KAT14: variants seen among roughly 807,000 people sequenced by gnomAD.
KAT14 encodes the protein cysteine-rich protein 2-binding protein.
In KAT14, 66 loss-of-function variants were observed where a neutral mutation model predicts 78.4. The observed-to-expected ratio is 0.84, with a 90% CI of 0.69 to 1.03. The LOEUF (loss-of-function observed/expected upper bound fraction) is 1.03, where lower values mean the gene tolerates loss of function less well. Ranked by LOEUF, KAT14 falls within the 50% of genes least tolerant of loss-of-function variation. KAT14 has a pLI of 0.00. For missense variants in KAT14, 870 were observed against 972.5 expected (o/e 0.89, Z 1.40); for synonymous variants, 344 against 359.4 (o/e 0.96, Z 0.48).
At position 18,162,610 on chromosome 20, in the gene KAT14, AAGCCTC is replaced by A; in HGVS notation, c.1337_1342del (p.Pro446_Gln447del). On this transcript the variant is annotated inframe_deletion, in exon 7 of 11. Coordinates refer to ENST00000688188, the MANE Select transcript of KAT14 (RefSeq NM_001392073.1). Reference sequence around the variant, plus strand: ...GCAAACAAGGGCTAGAGAAAAGAGGAAGCCTCAGCTGGAGAAGGACACAAAGCCGAA... The same window carrying A: ...GCAAACAAGGGCTAGAGAAAAGAGGAAGCTGGAGAAGGACACAAAGCCGAA... The A allele has an allele frequency of 6.2e-7, 1 of 1,614,202 alleles. No homozygotes were observed. The highest frequency in any genetic ancestry group is 8.5e-7 in the Non-Finnish European group (1 of 1,180,034).
At chr20:18,148,364 T>G (rs1299874100) in intron 3 of KAT14, among the ~76,000 whole-genome samples, 1 of 152,226 alleles carries the variant, frequency 6.6e-6, no homozygotes, top group African/African-American at 2.4e-5. Flanking sequence ...AGAAACTTTA[T>G]CAAACATTTG....
At chr20:18,181,981 G>A in intron 8 of KAT14, 135 bp downstream of exon 8, 6 of 1,334,008 alleles carry the variant, frequency 4.5e-6, no homozygotes, top group Non-Finnish European at 6.0e-6. Context: ...TGAGTTCTGT[G>A]CTTCACCTCC....
At chr20:18,181,920 TC>T in intron 8 of KAT14, 74 bp downstream of exon 8, 1 of 1,583,432 alleles carries the variant, frequency 6.3e-7, no homozygotes, top group Non-Finnish European at 8.6e-7. Flanking sequence ...TGCCCTGTTC[TC>T]CTGTTGGAGA....
At position 18,162,639 on chromosome 20, in the gene KAT14, G is replaced by C; in HGVS notation, c.1362G>C (p.Pro454=). The C allele has an allele frequency of 6.2e-7, 1 of 1,614,184 alleles. No homozygotes were observed. The highest frequency in any genetic ancestry group is 1.1e-5 in the South Asian group (1 of 91,084). Residue 454 remains proline (P), a synonymous_variant, in exon 7 of 11, where the codon CCG becomes CCC. Coordinates refer to ENST00000688188, the MANE Select transcript of KAT14 (RefSeq NM_001392073.1). ...CTCAGCTGGAGAAGGACACAAAGCC[G>C]AAAGAGCCCAGGTATACTCCCGTGA... ...RKPQLEKDTK[P]KEPRYTPVSI... is the part of the protein sequence containing the mutation.
Position 18,159,273 on chromosome 20 carries a change from T to G in KAT14, c.682+8T>G. On this transcript the variant is annotated splice_region_variant and intron_variant, in intron 5 of 10. Transcript: ENST00000688188. ...CTACTTTGAAAATAAAAGGTACTGTTGTGAGAACAGTACAAAAGTTGCTAG... is the reference window on the plus strand; with the variant it reads ...CTACTTTGAAAATAAAAGGTACTGTGGTGAGAACAGTACAAAAGTTGCTAG... The G allele has an allele frequency of 6.2e-7, 1 of 1,612,728 alleles. No individual in the cohort carries two copies.
chr20:18,184,776 T>G lies in KAT14; in HGVS notation c.2156T>G (p.Ile719Ser), dbSNP rs771364697. 9.0e-5 allele frequency: 144 copies of G among 1,606,496 alleles called. No individual in the cohort carries two copies. The highest frequency in any genetic ancestry group is 1.2e-4 in the Non-Finnish European group (136 of 1,177,678). The change falls in exon 10 of 11, where the codon ATC (isoleucine) becomes AGC (serine). Residue 719 changes from isoleucine (I) to serine (S), a missense_variant. By Grantham distance (142) the Ile-to-Ser change is moderately radical. Transcript: ENST00000688188. ...WRRAGIATFMIYHLIQTCMGK... is the reference protein window; with the variant it reads ...WRRAGIATFMSYHLIQTCMGK... ...AGAGCAGGGATTGCAACTTTCATGA[T>G]CTATCATCTGATTCAGGTAAGTTGT...
At chr20:18,160,811 C>T (rs1251996886) in intron 5 of KAT14, among the ~76,000 whole-genome samples, 1 of 151,894 alleles carries the variant, frequency 6.6e-6, no homozygotes, top group African/African-American at 2.4e-5. Context: ...GTGATAAATT[C>T]CTGGAGTTTC....
intron 1 of KAT14, among the ~76,000 whole-genome samples, chr20:18,139,543 C>T (rs1034695652): frequency 1.3e-5 from 2 of 151,914 alleles, no homozygotes; most frequent in African/African-American, 2.4e-5. Context: ...TTAAAAGTAA[C>T]CCAGAGAATT....
rs955438521 is a variant in KAT14 at position 18,188,033 on chromosome 20, C to T, written c.*574C>T. ...GAAAAAATAAACTAGATGTTTGTGTCTACATGTTCTACCTGTTGTACCTAT... is the reference window on the plus strand; with the variant it reads ...GAAAAAATAAACTAGATGTTTGTGTTTACATGTTCTACCTGTTGTACCTAT... On this transcript the variant is annotated 3_prime_UTR_variant, in exon 11 of 11. Coordinates refer to ENST00000688188, the MANE Select transcript of KAT14 (RefSeq NM_001392073.1). 2 of 155,338 alleles carry T rather than the reference C, an allele frequency of 1.3e-5. No individual in the cohort carries two copies. Among genetic ancestry groups the T allele is most frequent in the Admixed American group, 1.3e-4 (2 of 15,296 alleles). 9.6% of individuals were successfully genotyped at this position (155,338 alleles called of 1,614,324 possible).
At chr20:18,175,462 CCT>C (rs1442742861) in intron 7 of KAT14, among the ~76,000 whole-genome samples, 1 of 151,982 alleles carries the variant, frequency 6.6e-6, no homozygotes, top group Non-Finnish European at 1.5e-5. Context: ...CTTTTTCTGC[CCT>C]CTCTACTCTG....
In KAT14 at chr20:18,145,349, C is replaced by T; in HGVS notation, c.376C>T (p.Gln126Ter). 3 of 1,614,026 alleles carry T rather than the reference C, an allele frequency of 1.9e-6. No individual in the cohort carries two copies. The highest frequency in any genetic ancestry group is 2.5e-6 in the Non-Finnish European group (3 of 1,179,980). The change falls in exon 3 of 11, where the codon CAA becomes TAA. Residue 126 changes from glutamine (Q) to a stop codon, truncating the protein, a stop_gained and splice_region_variant. Transcript: ENST00000688188. LOFTEE classifies it high-confidence loss of function. ...QYERLKLTWQ[Q>*]VVMLAMYNLS... Reference sequence around the variant, plus strand: ...TGAAAGGCTGAAGCTGACATGGCAGCAAGTGAGTAAAAAGCCCTTCCCCAA... The same window carrying T: ...TGAAAGGCTGAAGCTGACATGGCAGTAAGTGAGTAAAAAGCCCTTCCCCAA...
chr20:18,175,048 G>C (rs1294067375), intron 7 of KAT14, among the ~76,000 whole-genome samples: 2 of 151,466 alleles, frequency 1.3e-5, no homozygotes, highest in Non-Finnish European at 2.9e-5. Flanking sequence ...AGCTACCTTT[G>C]CTGGCAGTTT....
chr20:18,141,023 A>ATTTTTTTTTTTTTTT (rs67633205), intron 1 of KAT14, among the ~76,000 whole-genome samples: 4 of 48,750 alleles, frequency 8.2e-5, no homozygotes, highest in African/African-American at 1.1e-4. Flanking sequence ...ACTCCCTGCA[A>ATTTTTTTTTTTTTTT]TTTTTTTTTT....
At chr20:18,143,615 A>ATTTTTTTTTTTTTTTT (rs201858697) in intron 2 of KAT14, among the ~76,000 whole-genome samples, 2 of 103,998 alleles carry the variant, frequency 1.9e-5, no homozygotes, top group Admixed American at 1.0e-4. Flanking sequence ...CACCTGGCTA[A>ATTTTTTTTTTTTTTTT]TTTTTTTTTT....
intron 9 of KAT14, chr20:18,183,622 T>C (rs1443555109): frequency 1.2e-6 from 1 of 805,872 alleles, no homozygotes; most frequent in African/African-American, 1.9e-5. Context: ...AGCTTGGGCG[T>C]GTTTGGACAC....
chr20:18,179,481 T>C lies in KAT14; in HGVS notation c.1669-2229T>C, dbSNP rs558657060. On this transcript the variant is annotated intron_variant, in intron 7 of 10. Coordinates refer to ENST00000688188, the MANE Select transcript of KAT14 (RefSeq NM_001392073.1). The stretch of plus-strand genomic sequence containing the variant: ...CCCAAACCTCAATTCTGGACTTCTG[T>C]GCACCCTCAGGCTCAATGCAAAGTG... Among the ~76,000 whole-genome samples, 115 of 152,328 alleles carry C rather than the reference T, an allele frequency of 7.5e-4. 1 individual carries two copies. The highest frequency in any genetic ancestry group is 2.7e-3 in the African/African-American group (111 of 41,586).
At chr20:18,182,569 A>G (rs1193978850) in intron 8 of KAT14, among the ~76,000 whole-genome samples, 4 of 152,234 alleles carry the variant, frequency 2.6e-5, no homozygotes, top group Non-Finnish European at 5.9e-5. Context: ...AGGCAATGAA[A>G]TGGAAGCTGA....
chr20:18,178,679 A>C (rs2039135614), intron 7 of KAT14, among the ~76,000 whole-genome samples: 1 of 152,156 alleles, frequency 6.6e-6, no homozygotes, highest in East Asian at 1.9e-4. Flanking sequence ...TCTCTCCCAC[A>C]CCATGTGGGA....
chr20:18,184,738 C>T lies in KAT14; in HGVS notation c.2118C>T (p.His706=). The change falls in exon 10 of 11, where the codon CAC becomes CAT. Residue 706 remains histidine, a synonymous_variant. Coordinates refer to ENST00000688188, the MANE Select transcript of KAT14 (RefSeq NM_001392073.1). The stretch of plus-strand genomic sequence containing the variant: ...CTTACATTTCATTTCTGTTCGTCCA[C>T]CCTGAATGGAGAAGAGCAGGGATTG... ...NEAYISFLFV[H]PEWRRAGIAT... is the part of the protein sequence containing the mutation. The T allele has an allele frequency of 1.2e-6, 2 of 1,613,302 alleles. No individual in the cohort carries two copies. Among genetic ancestry groups the T allele is most frequent in the East Asian group, 2.2e-5 (1 of 44,860 alleles).
Sources: allele counts gnomAD v4.1 joint callset (sites outside exome capture counted in the v4.1 genomes callset), GRCh38; gene constraint gnomAD v4.1.1; transcripts MANE v1.5; gene names NCBI Gene and HGNC (gene_info 2026-07-23, HGNC 2026-07-21).